Variants in BCAS3 observed in about 807,000 individuals in gnomAD.
BCAS3 encodes BCAS3 microtubule associated cell migration factor, also known as BCAS4/BCAS3 fusion.
BCAS3 carries 53 observed loss-of-function variants against 116.1 expected under a neutral mutation model. That is an observed-to-expected ratio of 0.46 (90% confidence interval 0.37 to 0.57). BCAS3 has a LOEUF of 0.57. BCAS3 is among the 20% of genes least tolerant of loss of function. The probability of loss-of-function intolerance (pLI) is 0.00; values close to 1 mark genes in which losing one functional copy is unlikely to be tolerated. For missense variants in BCAS3, 917 were observed against 1,165.4 expected (o/e 0.79, Z 3.10); for synonymous variants, 391 against 408.2 (o/e 0.96, Z 0.51).
intron 7 of BCAS3, among the ~76,000 whole-genome samples, chr17:60,860,830 A>G (rs910659943): frequency 2.0e-5 from 3 of 152,058 alleles, no homozygotes; most frequent in Non-Finnish European, 4.4e-5. Context: ...AGGTTCTCCA[A>G]CCTGTTCCAT....
At position 60,707,826 on chromosome 17, in the gene BCAS3, T is replaced by A. The variant is rs1013021776; in HGVS notation, c.215-1393T>A. On this transcript the variant is annotated intron_variant, in intron 4 of 23. Coordinates refer to ENST00000407086, the MANE Select transcript of BCAS3 (RefSeq NM_017679.5). Reference sequence around the variant, plus strand: ...AATTGATTTTTCCGATGTTAAACCATCTTACATTTGTGGGATAAACCCTAT... The same window carrying A: ...AATTGATTTTTCCGATGTTAAACCAACTTACATTTGTGGGATAAACCCTAT... Among the ~76,000 whole-genome samples the A allele has an allele frequency of 7.2e-5, 11 of 152,358 alleles. No homozygotes were observed. In the East Asian group the frequency reaches 1.9e-3, roughly 27 times the overall value.
At chr17:61,044,465 A>AAAATATATATATATATAT in intron 19 of BCAS3, among the ~76,000 whole-genome samples, 10 of 120,110 alleles carry the variant, frequency 8.3e-5, no homozygotes, top group African/African-American at 5.0e-4. Context: ...AAAAAAAAAA[A>AAAATATATATATATATAT]ATATATATAT....
At chr17:60,828,782 G>A (rs1257005596) in intron 7 of BCAS3, among the ~76,000 whole-genome samples, 2 of 152,044 alleles carry the variant, frequency 1.3e-5, no homozygotes, top group Non-Finnish European at 2.9e-5. Flanking sequence ...TTCAAGACAT[G>A]TTTATGGGTA....
Position 61,390,034 on chromosome 17 carries a change from G to A in BCAS3, c.2594-1943G>A, listed in dbSNP as rs552870384. On this transcript the variant is annotated intron_variant, in intron 23 of 23. Coordinates refer to ENST00000407086, the MANE Select transcript of BCAS3 (RefSeq NM_017679.5). This position sits in a 1 kb window ranked among gnomAD's most constrained non-coding sequence, Gnocchi z 6.8. Reference sequence around the variant, plus strand: ...CTTCCTCGGGGGCTTTCTTCCTTAGGCCTGGCGGCCCGATCCTAAGGAAGC... The same window carrying A: ...CTTCCTCGGGGGCTTTCTTCCTTAGACCTGGCGGCCCGATCCTAAGGAAGC... The A allele has an allele frequency of 6.6e-5, 10 of 152,450 alleles. No individual in the cohort carries two copies. The highest frequency in any genetic ancestry group is 5.9e-4 in the Admixed American group (9 of 15,308). 9.4% of individuals were successfully genotyped at this position (152,450 alleles called of 1,614,324 possible).
At chr17:61,386,163 T>G (rs971653666) in intron 23 of BCAS3, among the ~76,000 whole-genome samples, 4 of 152,262 alleles carry the variant, frequency 2.6e-5, no homozygotes, top group African/African-American at 9.6e-5. Flanking sequence ...GTTAACCTCA[T>G]GTTCGGGAAC....
chr17:60,840,684 C>T (rs2051821635), intron 7 of BCAS3, among the ~76,000 whole-genome samples: 1 of 152,032 alleles, frequency 6.6e-6, no homozygotes. Context: ...GAAGGTTTCC[C>T]CGTGTTTACA....
At position 61,337,466 on chromosome 17, in the gene BCAS3, G is replaced by C. The variant is rs2056812553; in HGVS notation, c.2426-30861G>C. Among the ~76,000 whole-genome samples the C allele has an allele frequency of 6.6e-6, 1 of 152,026 alleles. No individual in the cohort carries two copies. Among genetic ancestry groups the C allele is most frequent in the Admixed American group, 6.5e-5 (1 of 15,272 alleles). The stretch of plus-strand genomic sequence containing the variant: ...TGCAGCCTCTAGGAGGAGACGCTTG[G>C]CTTTGCCCACAGCCCTCGGCCCCAG... On this transcript the variant is annotated intron_variant, in intron 22 of 23. Coordinates refer to ENST00000407086, the MANE Select transcript of BCAS3 (RefSeq NM_017679.5). This position sits in a 1 kb window ranked among gnomAD's most constrained non-coding sequence, Gnocchi z 4.8.
chr17:61,296,203 A>G (rs1442302052), intron 22 of BCAS3, among the ~76,000 whole-genome samples: 4 of 152,212 alleles, frequency 2.6e-5, no homozygotes, highest in South Asian at 4.1e-4. Context: ...TCATTCTTCC[A>G]GTCAGGTTAA....
chr17:61,172,264 C>T (rs1359866062), intron 22 of BCAS3, among the ~76,000 whole-genome samples: 1 of 152,150 alleles, frequency 6.6e-6, no homozygotes, highest in Non-Finnish European at 1.5e-5. Context: ...ATCTAGTTGA[C>T]ATTTACTGAA....
chr17:60,967,193 A>G lies in BCAS3; in HGVS notation c.1221+19841A>G, dbSNP rs1219190336. ...GCACATCAGAGTTTTCTTGGTTCAG[A>G]TTGAATTATTCTCGTTAGCATTTCT... is the stretch of plus-strand genomic sequence containing the variant. On this transcript the variant is annotated intron_variant, in intron 14 of 23. Coordinates refer to ENST00000407086, the MANE Select transcript of BCAS3 (RefSeq NM_017679.5). The surrounding 1 kb of genome is among the most constrained non-coding windows in gnomAD (Gnocchi z 4.7). 3.9e-5 allele frequency among the ~76,000 whole-genome samples: 6 copies of G among 152,116 alleles called. No individual in the cohort carries two copies.
At chr17:60,921,472 G>A (rs1340357406) in intron 12 of BCAS3, among the ~76,000 whole-genome samples, 1 of 151,824 alleles carries the variant, frequency 6.6e-6, no homozygotes, top group Admixed American at 6.6e-5. Flanking sequence ...AATTAGCCGG[G>A]CGTAGTGGCG....
intron 22 of BCAS3, among the ~76,000 whole-genome samples, chr17:61,142,288 A>T (rs2076966434): frequency 6.6e-6 from 1 of 152,216 alleles, no homozygotes; most frequent in Non-Finnish European, 1.5e-5. Context: ...GATCTGTACA[A>T]TTGAAGCTGA....
chr17:61,297,889 C>G (rs1221689697), intron 22 of BCAS3, among the ~76,000 whole-genome samples: 1 of 151,730 alleles, frequency 6.6e-6, no homozygotes, highest in East Asian at 1.9e-4. Context: ...GATGTCGTCC[C>G]CTAAAAAGAC....
chr17:61,206,801 C>CAAA (rs71148392), intron 22 of BCAS3, among the ~76,000 whole-genome samples: 14 of 74,916 alleles, frequency 1.9e-4, no homozygotes, highest in Non-Finnish European at 3.2e-4. Flanking sequence ...AACTCTGTCT[C>CAAA]AAAAAAAAAA....
rs1022645076 is a variant in BCAS3, at chr17:61,313,886, C to T, written c.2426-54441C>T. On this transcript the variant is annotated intron_variant, in intron 22 of 23. Coordinates refer to ENST00000407086, the MANE Select transcript of BCAS3 (RefSeq NM_017679.5). The surrounding 1 kb of genome is among the most constrained non-coding windows in gnomAD (Gnocchi z 4.3). ...TGACCACACGTGGGCCTGCTGTCTC[C>T]TCCACCAGCCCCACTCGCCCGGCCC... Among the ~76,000 whole-genome samples, 3 of 152,192 alleles carry T rather than the reference C, an allele frequency of 2.0e-5. No individual in the cohort carries two copies. Among genetic ancestry groups the T allele is most frequent in the African/African-American group, 7.2e-5 (3 of 41,438 alleles).
chr17:60,914,857 CAGTT>C (rs1478842933), intron 12 of BCAS3, among the ~76,000 whole-genome samples: 1 of 152,088 alleles, frequency 6.6e-6, no homozygotes, highest in Non-Finnish European at 1.5e-5. Context: ...TTTTTGTCAT[CAGTT>C]AGGCTTCCAG....
chr17:61,131,266 A>C lies in BCAS3; in HGVS notation c.2425+46702A>C, dbSNP rs183070350. On this transcript the variant is annotated intron_variant, in intron 22 of 23. Transcript: ENST00000407086. This position sits in a 1 kb window ranked among gnomAD's most constrained non-coding sequence, Gnocchi z 4.4. ...AACAAAAATAACACTCGTATCATAG[A>C]CATTAGAGAGTTCTTACTTGGAAAG... Among the ~76,000 whole-genome samples, 31 of 152,326 alleles carry C rather than the reference A, an allele frequency of 2.0e-4. No individual in the cohort carries two copies. The highest frequency in any genetic ancestry group is 7.0e-4 in the African/African-American group (29 of 41,582).
In BCAS3 at chr17:61,200,933, C is replaced by G. The variant is rs2080779053; in HGVS notation, c.2425+116369C>G. Among the ~76,000 whole-genome samples, 1 of 151,928 alleles carries G rather than the reference C, an allele frequency of 6.6e-6. No homozygotes were observed. The highest frequency in any genetic ancestry group is 1.5e-5 in the Non-Finnish European group (1 of 68,002). On this transcript the variant is annotated intron_variant, in intron 22 of 23. Coordinates refer to ENST00000407086, the MANE Select transcript of BCAS3 (RefSeq NM_017679.5). This position sits in a 1 kb window ranked among gnomAD's most constrained non-coding sequence, Gnocchi z 5.1. ...TAAAGCCAAGTTAGCAGCCCTGAGT[C>G]AGGACAGGTGTTTATTTTTAATTCA...
In BCAS3 at chr17:61,214,329, T is replaced by C. The variant is rs2081643329; in HGVS notation, c.2425+129765T>C. Among the ~76,000 whole-genome samples the C allele has an allele frequency of 6.6e-6, 1 of 151,762 alleles. No homozygotes were observed. The highest frequency in any genetic ancestry group is 1.5e-5 in the Non-Finnish European group (1 of 67,964). On this transcript the variant is annotated intron_variant, in intron 22 of 23. Transcript: ENST00000407086. This position sits in a 1 kb window ranked among gnomAD's most constrained non-coding sequence, Gnocchi z 4.4. ...TTGCGGTGAGCTGAGATCATGCCAT[T>C]GCACTCCAGCCTCGGCCACAGAGCA...
Sources: gnomAD v4.1 joint callset for allele counts (sites outside exome capture counted in the v4.1 genomes callset) on GRCh38, gnomAD v4.1.1 for gene constraint, Gnocchi (gnomAD v3.1) non-coding constraint, MANE v1.5 for transcripts, NCBI Gene and HGNC (gene_info 2026-07-23, HGNC 2026-07-21) for gene names.